KLHL31: variants seen among roughly 807,000 people sequenced by gnomAD.
KLHL31 encodes kelch like family member 31.
In KLHL31, 32 loss-of-function variants were observed where a neutral mutation model predicts 47.1. The ratio of observed to expected loss-of-function variants is 0.68; its 90% CI spans 0.51 to 0.91. The LOEUF (loss-of-function observed/expected upper bound fraction) is 0.91. KLHL31 is among the 40% of genes least tolerant of loss of function. The pLI is 0.00. For synonymous variants in KLHL31, 330 were observed against 325.1 expected, an observed-to-expected ratio of 1.01 and a Z score of -0.16; for missense variants, 797 against 819.3, an observed-to-expected ratio of 0.97 and a Z score of 0.33.
At chr6:53,652,515 G>C (rs1764492334) in intron 2 of KLHL31, 185 bp from the exon 3 acceptor site, 3 of 686,140 alleles carry the variant, frequency 4.4e-6, no homozygotes, top group Middle Eastern at 7.7e-4. Flanking sequence ...ACTTGGAAAA[G>C]ACAAAGCAGG....
Position 53,661,953 on chromosome 6 carries a change from G to T in KLHL31, c.-34+3648C>A, listed in dbSNP as rs1339284550. 2.0e-5 allele frequency among the ~76,000 whole-genome samples: 3 copies of T among 151,980 alleles called. No individual in the cohort carries two copies. In the South Asian group the frequency reaches 6.2e-4, roughly 32 times the overall value. On this transcript the variant is annotated intron_variant, in intron 1 of 2. Transcript: ENST00000370905. ...TTTAACTTTGCAAAGTTGGATGAGG[G>T]TTTTACTTACTCTCTCTTTTTTTTT...
chr6:53,662,406 T>C (rs920780783), intron 1 of KLHL31, among the ~76,000 whole-genome samples: 1 of 152,220 alleles, frequency 6.6e-6, no homozygotes, highest in South Asian at 2.1e-4. Flanking sequence ...GCTGAGGTTG[T>C]GTAATGGGAT....
chr6:53,656,488 ATGTATATG>A lies in KLHL31; in HGVS notation c.-33-1191_-33-1184del, dbSNP rs1224362234. On this transcript the variant is annotated intron_variant, in intron 1 of 2. Coordinates refer to ENST00000370905, the MANE Select transcript of KLHL31 (RefSeq NM_001003760.5). Reference sequence around the variant, plus strand: ...CAAAATAAAGGGTAGAAACCCATATATGTATATGTGTGTATGTGTGTGTAGATATATAC... The same window carrying A: ...CAAAATAAAGGGTAGAAACCCATATATGTGTATGTGTGTGTAGATATATAC... Among the ~76,000 whole-genome samples, 3 of 152,244 alleles carry A rather than the reference ATGTATATG, an allele frequency of 2.0e-5. No individual in the cohort carries two copies. The South Asian group carries it at 6.2e-4, about 32-fold the overall frequency.
chr6:53,660,515 T>C (rs1427166958), intron 1 of KLHL31, among the ~76,000 whole-genome samples: 1 of 152,190 alleles, frequency 6.6e-6, no homozygotes, highest in African/African-American at 2.4e-5. Flanking sequence ...GGAGACCATT[T>C]AAGAAACTTG....
intron 1 of KLHL31, 43 bp from the exon 2 acceptor site, chr6:53,655,348 C>T (rs1764545606): frequency 3.9e-6 from 4 of 1,019,158 alleles, no homozygotes; most frequent in Non-Finnish European, 5.5e-6. Flanking sequence ...TTTAATTGTG[C>T]TTTAGACTTT....
In KLHL31 at chr6:53,655,391, T is replaced by C. The variant is rs1269679399; in HGVS notation, c.-33-86A>G. 2.3e-5 allele frequency: 14 copies of C among 615,832 alleles called. No individual in the cohort carries two copies. In the South Asian group the frequency reaches 2.5e-4, roughly 11 times the overall value. 38.1% of individuals were successfully genotyped at this position (615,832 alleles called of 1,614,324 possible). A position where few individuals can be genotyped will look rare whatever the true frequency, so the allele number is the denominator to read the frequency against. Reference sequence around the variant, plus strand: ...TACATTGAGAAACTTTTTCAAAAGATAATAGTTTTCATGGCATAAAATAGA... The same window carrying C: ...TACATTGAGAAACTTTTTCAAAAGACAATAGTTTTCATGGCATAAAATAGA... On this transcript the variant is annotated intron_variant, in intron 1 of 2. Coordinates refer to ENST00000370905, the MANE Select transcript of KLHL31 (RefSeq NM_001003760.5).
intron 2 of KLHL31, 175 bp from the exon 3 acceptor site, chr6:53,652,505 A>G: frequency 1.4e-6 from 1 of 732,312 alleles, no homozygotes; most frequent in Non-Finnish European, 2.2e-6. Context: ...AATGTGTGAC[A>G]CTTGGAAAAG....
At position 53,650,051 on chromosome 6, in the gene KLHL31, A is replaced by T. The variant is rs1306325303; in HGVS notation, c.*1547T>A. Reference sequence around the variant, plus strand: ...TTTCACAGTTCAAATAACATATTTTAGAAATAAATATCATAACTAGCAATA... The same window carrying T: ...TTTCACAGTTCAAATAACATATTTTTGAAATAAATATCATAACTAGCAATA... On this transcript the variant is annotated 3_prime_UTR_variant, in exon 3 of 3. Coordinates refer to ENST00000370905, the MANE Select transcript of KLHL31 (RefSeq NM_001003760.5). The T allele has an allele frequency of 6.6e-6, 1 of 152,218 alleles. No individual in the cohort carries two copies. Among genetic ancestry groups the T allele is most frequent in the African/African-American group, 2.4e-5 (1 of 41,456 alleles). The allele number at this position is 152,218 out of a possible 1,614,324, so 9.4% of individuals were successfully genotyped here. A position where few individuals can be genotyped will look rare whatever the true frequency, so the allele number is the denominator to read the frequency against.
chr6:53,652,004 C>G lies in KLHL31; in HGVS notation c.1499G>C (p.Ser500Thr). 6.3e-7 allele frequency: 1 copy of G among 1,592,522 alleles called. No homozygotes were observed. The highest frequency in any genetic ancestry group is 8.5e-7 in the Non-Finnish European group (1 of 1,175,414). The change falls in exon 3 of 3, where the codon AGC becomes ACC. Residue 500 changes from serine to threonine, a missense_variant. By Grantham distance (58) the Ser-to-Thr change is moderately conservative. Coordinates refer to ENST00000370905, the MANE Select transcript of KLHL31 (RefSeq NM_001003760.5). ...CGCGCAGTGCCAGCCCCGGGGTGTGCTGAGGTTCGGCAGCTCCTGCCACGA... is the reference window on the plus strand; with the variant it reads ...CGCGCAGTGCCAGCCCCGGGGTGTGGTGAGGTTCGGCAGCTCCTGCCACGA... ...SDSWQELPNL[S>T]TPRGWHCAVT...
intron 1 of KLHL31, among the ~76,000 whole-genome samples, chr6:53,659,969 T>C (rs1327111833): frequency 2.6e-5 from 4 of 152,220 alleles, no homozygotes; most frequent in Non-Finnish European, 4.4e-5. Flanking sequence ...GTTCCACCCA[T>C]GGGAACTTCC....
chr6:53,657,885 T>C (rs1181396634), intron 1 of KLHL31, among the ~76,000 whole-genome samples: 6 of 147,982 alleles, frequency 4.1e-5, no homozygotes, highest in African/African-American at 1.5e-4. Context: ...CCAATTATCA[T>C]ATTCACATTT....
chr6:53,655,663 G>C (rs1329200542), intron 1 of KLHL31, among the ~76,000 whole-genome samples: 1 of 146,584 alleles, frequency 6.8e-6, no homozygotes, highest in Non-Finnish European at 1.5e-5. Context: ...CTGGAGTGCA[G>C]TGGCATGATC....
At chr6:53,662,049 A>G (rs536704259) in intron 1 of KLHL31, among the ~76,000 whole-genome samples, 2 of 152,220 alleles carry the variant, frequency 1.3e-5, no homozygotes, top group African/African-American at 4.8e-5. Context: ...GGCATCCCCA[A>G]GCTTGGTAGC....
intron 2 of KLHL31, among the ~76,000 whole-genome samples, chr6:53,653,515 T>C (rs1211912379): frequency 6.6e-6 from 1 of 152,214 alleles, no homozygotes; most frequent in African/African-American, 2.4e-5. Context: ...TTCTGAAGGA[T>C]GTGTTTTACT....
At chr6:53,663,893 A>C (rs1197779890) in intron 1 of KLHL31, among the ~76,000 whole-genome samples, 1 of 152,214 alleles carries the variant, frequency 6.6e-6, no homozygotes, top group East Asian at 1.9e-4. Flanking sequence ...CTATAGCAGA[A>C]CGTCCAACCT....
At chr6:53,653,042 T>A (rs1561983451) in intron 2 of KLHL31, among the ~76,000 whole-genome samples, 1 of 151,910 alleles carries the variant, frequency 6.6e-6, no homozygotes. Flanking sequence ...TAAATATATA[T>A]TTTTTTCAGT....
Position 53,652,011 on chromosome 6 carries a change from TC to T in KLHL31, c.1491del (p.Asn498ThrfsTer14). On this transcript the variant is annotated frameshift_variant, in exon 3 of 3. Transcript: ENST00000370905. LOFTEE classifies it high-confidence loss of function. ...TGCCAGCCCCGGGGTGTGCTGAGGTTCGGCAGCTCCTGCCACGAGTCGCTGG... is the reference window on the plus strand; with the variant it reads ...TGCCAGCCCCGGGGTGTGCTGAGGTTGGCAGCTCCTGCCACGAGTCGCTGG... ...DPASDSWQEL[P>X]NLSTPRGWHC... 3 of 1,591,614 alleles carry T rather than the reference TC, an allele frequency of 1.9e-6. No individual in the cohort carries two copies. The highest frequency in any genetic ancestry group is 2.6e-6 in the Non-Finnish European group (3 of 1,175,128).
At position 53,651,742 on chromosome 6, in the gene KLHL31, G is replaced by A; in HGVS notation, c.1761C>T (p.Phe587=). ...CCGTCCACTCGTTGAGCTCGGGGCTGAAGCACTGGATGCACTTCTTGTACT... is the reference window on the plus strand; with the variant it reads ...CCGTCCACTCGTTGAGCTCGGGGCTAAAGCACTGGATGCACTTCTTGTACT... ...EKKYKKCIQC[F]SPELNEWTED... Residue 587 remains phenylalanine (F), a synonymous_variant, in exon 3 of 3, where the codon TTC becomes TTT. Transcript: ENST00000370905. 1 of 1,614,180 alleles carries A rather than the reference G, an allele frequency of 6.2e-7. No individual in the cohort carries two copies. The highest frequency in any genetic ancestry group is 8.5e-7 in the Non-Finnish European group (1 of 1,180,044).
chr6:53,651,918 G>C lies in KLHL31; in HGVS notation c.1585C>G (p.Arg529Gly). Residue 529 changes from arginine (R) to glycine (G), a missense_variant, in exon 3 of 3, where the codon CGC becomes GGC. Transcript: ENST00000370905. ...CACTCCACGGTGAGCACGTCCACGC[G>C]CTCCCCGCGCGGCCCCAGCTGGCTG... Reference protein sequence around the residue: ...GGSQLGPRGERVDVLTVECYS... With the variant: ...GGSQLGPRGEGVDVLTVECYS... 1.3e-6 allele frequency: 2 copies of C among 1,589,334 alleles called. No individual in the cohort carries two copies. The highest frequency in any genetic ancestry group is 1.3e-5 in the African/African-American group (1 of 74,796).
Sources: gnomAD v4.1 joint callset for allele counts (sites outside exome capture counted in the v4.1 genomes callset) on GRCh38, gnomAD v4.1.1 for gene constraint, MANE v1.5 for transcripts, NCBI Gene and HGNC (gene_info 2026-07-23, HGNC 2026-07-21) for gene names.